Variants in UGT3A2 observed in about 807,000 individuals in gnomAD.
The protein encoded by UGT3A2 is UDP glycosyltransferase family 3 member A2.
A neutral mutation model predicts 39.8 loss-of-function variants in UGT3A2; 32 were observed. The ratio of observed to expected loss-of-function variants is 0.80; its 90% CI spans 0.61 to 1.08. UGT3A2 has a LOEUF of 1.08. Ranked by LOEUF, UGT3A2 falls within the 50% of genes least tolerant of loss-of-function variation. The pLI is 0.00. For synonymous variants in UGT3A2, 241 were observed against 230.7 expected, an observed-to-expected ratio of 1.04 and a Z score of -0.40; for missense variants, 611 against 637.1, an observed-to-expected ratio of 0.96 and a Z score of 0.44.
intron 6 of UGT3A2, among the ~76,000 whole-genome samples, chr5:36,036,283 C>G (rs1580993381): frequency 6.6e-6 from 1 of 152,236 alleles, no homozygotes; most frequent in African/African-American, 2.4e-5. Flanking sequence ...ACATGGAGCA[C>G]CTCCATGTGC....
intron 4 of UGT3A2, among the ~76,000 whole-genome samples, chr5:36,043,572 A>G (rs1334176652): frequency 6.6e-6 from 1 of 151,982 alleles, no homozygotes; most frequent in Non-Finnish European, 1.5e-5. Flanking sequence ...AGATCAATGA[A>G]ATGAAAAGTT....
At chr5:36,039,265 G>A (rs1014234259) in intron 5 of UGT3A2, among the ~76,000 whole-genome samples, 2 of 152,236 alleles carry the variant, frequency 1.3e-5, no homozygotes, top group Non-Finnish European at 1.5e-5. Flanking sequence ...GGATAGAAAA[G>A]AATGAAGGAA....
At position 36,035,777 on chromosome 5, in the gene UGT3A2, C is replaced by A; in HGVS notation, c.1493G>T (p.Gly498Val). 1 of 1,614,116 alleles carries A rather than the reference C, an allele frequency of 6.2e-7. No homozygotes were observed. Among genetic ancestry groups the A allele is most frequent in the Non-Finnish European group, 8.5e-7 (1 of 1,180,020 alleles). The change falls in exon 7 of 7, where the codon GGG (glycine) becomes GTG (valine). Residue 498 changes from glycine to valine, a missense_variant. Transcript: ENST00000282507. ...VFVFLLGLTL[G>V]TLWLCGKLLG... is the part of the protein sequence containing the mutation. ...CAGCTTCCCACAAAGCCATAGAGTC[C>A]CCAGAGTGAGCCCCAGCAGAAACAC...
intron 5 of UGT3A2, among the ~76,000 whole-genome samples, chr5:36,039,204 G>T (rs1367946392): frequency 1.3e-5 from 2 of 152,208 alleles, no homozygotes; most frequent in Non-Finnish European, 2.9e-5. Flanking sequence ...ATGCAGTAGG[G>T]TTAAAGAGAC....
intron 4 of UGT3A2, among the ~76,000 whole-genome samples, chr5:36,048,436 A>T (rs1332263020): frequency 1.3e-5 from 2 of 152,184 alleles, no homozygotes; most frequent in Admixed American, 6.5e-5. Flanking sequence ...TAACACCGGC[A>T]GTTCTTGCTG....
At chr5:36,050,604 C>T (rs1230943982) in intron 3 of UGT3A2, among the ~76,000 whole-genome samples, 1 of 152,306 alleles carries the variant, frequency 6.6e-6, no homozygotes, top group East Asian at 1.9e-4. Context: ...TGGCTCACGC[C>T]TGTATCCCAG....
intron 3 of UGT3A2, among the ~76,000 whole-genome samples, chr5:36,050,818 C>T (rs62354174): frequency 0.29 from 43,213 of 150,534 alleles, 6,348 homozygotes; most frequent in Non-Finnish European, 0.3. Context: ...GCTGAGATCG[C>T]GCCATTGCAC....
intron 4 of UGT3A2, 58 bp from the exon 5 acceptor site, chr5:36,039,766 AC>A: frequency 6.8e-7 from 1 of 1,469,006 alleles, no homozygotes; most frequent in Non-Finnish European, 9.5e-7. Flanking sequence ...AGCCTAGTTG[AC>A]CAGAAAATGA....
intron 2 of UGT3A2, among the ~76,000 whole-genome samples, chr5:36,063,698 G>A (rs1742788575): frequency 1.3e-5 from 2 of 152,160 alleles, no homozygotes; most frequent in African/African-American, 4.8e-5. Context: ...GTGCAGTGGT[G>A]CATTCCCAGC....
chr5:36,059,499 G>A (rs923482262), intron 2 of UGT3A2, among the ~76,000 whole-genome samples: 7 of 151,746 alleles, frequency 4.6e-5, no homozygotes, highest in African/African-American at 1.5e-4. Context: ...GGCTTGTACC[G>A]TCTTCTGCGG....
intron 2 of UGT3A2, among the ~76,000 whole-genome samples, chr5:36,062,037 C>A (rs1742721850): frequency 6.6e-6 from 1 of 151,782 alleles, no homozygotes; most frequent in African/African-American, 2.4e-5. Context: ...GCATAAATGT[C>A]TTCTTTTGAG....
At chr5:36,059,371 T>G (rs1032786893) in intron 2 of UGT3A2, among the ~76,000 whole-genome samples, 1 of 151,438 alleles carries the variant, frequency 6.6e-6, no homozygotes, top group Non-Finnish European at 1.5e-5. Flanking sequence ...CTTTTTTTTT[T>G]TTTTTTTTTG....
chr5:36,043,065 G>T (rs1581000233), intron 4 of UGT3A2, among the ~76,000 whole-genome samples: 2 of 152,092 alleles, frequency 1.3e-5, no homozygotes, highest in Admixed American at 1.3e-4. Context: ...TTCATCCAAT[G>T]ACTGCAAAAA....
Position 36,035,536 on chromosome 5 carries a change from T to C in UGT3A2, c.*162A>G. The C allele has an allele frequency of 3.8e-6, 4 of 1,055,938 alleles. No individual in the cohort carries two copies. In the South Asian group the frequency reaches 6.9e-5, roughly 18 times the overall value. The allele number at this position is 1,055,938 out of a possible 1,614,324, so 65.4% of individuals were successfully genotyped here. The stretch of plus-strand genomic sequence containing the variant: ...TAGTAAGGATGAATTTGTAGCAAAA[T>C]TAGCAAGTGGAAAGGATGATTTTTG... On this transcript the variant is annotated 3_prime_UTR_variant, in exon 7 of 7. Transcript: ENST00000282507.
chr5:36,046,154 G>T (rs1742159993), intron 4 of UGT3A2, among the ~76,000 whole-genome samples: 1 of 151,752 alleles, frequency 6.6e-6, no homozygotes, highest in African/African-American at 2.4e-5. Flanking sequence ...CTCGCACATT[G>T]TTTGTGGGAA....
chr5:36,051,736 GTCCATCCA>G (rs71863019), intron 3 of UGT3A2, 126 bp downstream of exon 3: 7 of 289,890 alleles, frequency 2.4e-5, no homozygotes, highest in Admixed American at 6.8e-5. Flanking sequence ...CCATCCATCC[GTCCATCCA>G]TCCATCCATC....
rs201394842 is a variant in UGT3A2 at position 36,035,909 on chromosome 5, C to T, written c.1361G>A (p.Arg454Gln). Residue 454 changes from arginine (R) to glutamine (Q), a missense_variant, in exon 7 of 7, where the codon CGG becomes CAG. Arg to Gln is a conservative substitution (Grantham distance 43, BLOSUM62 1). Transcript: ENST00000282507. The stretch of plus-strand genomic sequence containing the variant: ...GACGTGGTCAATCCAGCCCACCAGC[C>T]GCTGTGTGGGGCTGAGCGGGTGGGA... ...LRSHPLSPTQ[R>Q]LVGWIDHVLQ... is the part of the protein sequence containing the mutation. The T allele has an allele frequency of 5.3e-5, 85 of 1,614,204 alleles. 1 individual carries two copies. In the East Asian group the frequency reaches 1.2e-3, roughly 22 times the overall value.
chr5:36,039,652 C>G lies in UGT3A2; in HGVS notation c.900G>C (p.Leu300Phe). The G allele has an allele frequency of 6.2e-7, 1 of 1,614,134 alleles. No individual in the cohort carries two copies. Among genetic ancestry groups the G allele is most frequent in the Middle Eastern group, 1.6e-4 (1 of 6,062 alleles). ...FGDSGFVLVT[L>F]GSMVNTCQNP... ...TCTGACAGGTGTTCACCATGGAGCCCAAGGTCACAAGGACAAAACCAGAGT... is the reference window on the plus strand; with the variant it reads ...TCTGACAGGTGTTCACCATGGAGCCGAAGGTCACAAGGACAAAACCAGAGT... The change falls in exon 5 of 7, where the codon TTG becomes TTC. Residue 300 changes from leucine to phenylalanine, a missense_variant. Transcript: ENST00000282507.
intron 2 of UGT3A2, among the ~76,000 whole-genome samples, chr5:36,055,520 C>T (rs934421647): frequency 2.6e-5 from 4 of 152,188 alleles, no homozygotes; most frequent in African/African-American, 9.6e-5. Context: ...GTGTGAGCCA[C>T]TGTGCCCGGC....
Sources: gnomAD v4.1 joint callset for allele counts (sites outside exome capture counted in the v4.1 genomes callset) on GRCh38, gnomAD v4.1.1 for gene constraint, MANE v1.5 for transcripts, NCBI Gene and HGNC (gene_info 2026-07-23, HGNC 2026-07-21) for gene names.